SYCE1: variants seen among roughly 807,000 people sequenced by gnomAD.
SYCE1 encodes synaptonemal complex central element protein 1, also known as cancer/testis antigen 76.
A neutral mutation model predicts 55.1 loss-of-function variants in SYCE1; 37 were observed. The ratio of observed to expected loss-of-function variants is 0.67; its 90% confidence interval spans 0.52 to 0.88. SYCE1 has a LOEUF of 0.88. Ranked by LOEUF, SYCE1 falls within the 40% of genes least tolerant of loss-of-function variation. The probability of loss-of-function intolerance (pLI) is 0.00; values close to 1 mark genes in which losing one functional copy is unlikely to be tolerated. For missense variants in SYCE1, 399 were observed against 416.4 expected, an observed-to-expected ratio of 0.96 and a Z score of 0.36; for synonymous variants, 163 against 159.4, an observed-to-expected ratio of 1.02 and a Z score of -0.17.
Position 133,556,767 on chromosome 10 carries a change from C to T in SYCE1, c.520G>A (p.Asp174Asn), listed in dbSNP as rs760773748. 1.3e-6 allele frequency: 2 copies of T among 1,565,438 alleles called. No individual in the cohort carries two copies. The highest frequency in any genetic ancestry group is 1.7e-6 in the Non-Finnish European group (2 of 1,155,032). The change falls in exon 8 of 13, where the codon GAC becomes AAC. Residue 174 changes from aspartate to asparagine, a missense_variant. By Grantham distance (23) the Asp-to-Asn change is conservative (BLOSUM62 1). Transcript: ENST00000343131. ...DLMGQHKDLW[D>N]FHMPERLAKE... ...GGCTTTGAGGGACTCACGTGGAAGT[C>T]CCAGAGGTCCTTGTGCTGGCCCATC...
chr10:133,555,748 C>T (rs958641110), intron 10 of SYCE1, 32 bp downstream of exon 10: 6 of 1,609,714 alleles, frequency 3.7e-6, no homozygotes, highest in African/African-American at 2.7e-5. Context: ...CGGCCACTCC[C>T]TCCTCCCACC....
chr10:133,554,945 G>C lies in SYCE1; in HGVS notation c.*47C>G. On this transcript the variant is annotated 3_prime_UTR_variant, in exon 13 of 13. Transcript: ENST00000343131. ...GGCTTCAATCAGTCACAGGAGACTGGGGATCTTGGGCCTGACCCCTACTCC... is the reference window on the plus strand; with the variant it reads ...GGCTTCAATCAGTCACAGGAGACTGCGGATCTTGGGCCTGACCCCTACTCC... 2.0e-6 allele frequency: 3 copies of C among 1,492,294 alleles called. No individual in the cohort carries two copies. The highest frequency in any genetic ancestry group is 1.4e-5 in the South Asian group (1 of 72,330). The allele number at this position is 1,492,294 out of a possible 1,614,324, so 92.4% of individuals were successfully genotyped here. A position where few individuals can be genotyped will look rare whatever the true frequency, so the allele number is the denominator to read the frequency against.
intron 9 of SYCE1, 29 bp downstream of exon 9, chr10:133,555,952 T>C: frequency 1.9e-6 from 3 of 1,614,032 alleles, no homozygotes; most frequent in Non-Finnish European, 2.5e-6. Flanking sequence ...TGAGGTCAGA[T>C]ATGGGCCATC....
At chr10:133,557,943 A>C in intron 5 of SYCE1, 25 bp from the exon 6 acceptor site, 1 of 1,613,742 alleles carries the variant, frequency 6.2e-7, no homozygotes, top group African/African-American at 1.3e-5. Context: ...ACAGGGCCCT[A>C]TGAGAACCTG....
At chr10:133,560,242 C>A in intron 1 of SYCE1, 89 bp from the exon 2 acceptor site, 1 of 1,116,724 alleles carries the variant, frequency 9.0e-7, no homozygotes, top group Non-Finnish European at 1.3e-6. Context: ...GGCAGGTCTC[C>A]AGCCAGAGTG....
At chr10:133,554,259 G>A, downstream of SYCE1, 1 of 1,609,892 alleles carries the variant, frequency 6.2e-7, no homozygotes, top group Non-Finnish European at 8.5e-7. Context: ...ATTTTTCCAT[G>A]GAAACAGTGC....
Position 133,565,440 on chromosome 10 carries a change from C to T in SYCE1, c.73+17G>A, listed in dbSNP as rs1429045251. ...AGGTCAGACCCTCACGCACAGTTCC[C>T]TGCCTCCCACCACTACCTCCGGCCT... is the stretch of plus-strand genomic sequence containing the variant. On this transcript the variant is annotated intron_variant, in intron 1 of 12. Transcript: ENST00000343131. 6.5e-7 allele frequency: 1 copy of T among 1,545,102 alleles called. No homozygotes were observed. Among genetic ancestry groups the T allele is most frequent in the South Asian group, 1.2e-5 (1 of 82,824 alleles).
intron 1 of SYCE1, chr10:133,560,912 C>T (rs1258009108): frequency 6.6e-6 from 1 of 152,168 alleles, no homozygotes; most frequent in Non-Finnish European, 1.5e-5. Context: ...CTGATTGCCT[C>T]CTTTGGAAAG....
Position 133,555,899 on chromosome 10 carries a change from C to T in SYCE1, c.600G>A (p.Lys200=), listed in dbSNP as rs146371350. The change falls in exon 10 of 13, where the codon AAG becomes AAA. Residue 200 remains lysine (K), a synonymous_variant. Coordinates refer to ENST00000343131, the MANE Select transcript of SYCE1 (RefSeq NM_001143764.3). ...CGTCTTCCAGTGTCGCCTTGACCAG[C>T]TTCTCTGCAGCACAAAGGGGCAGGT... ...SSKEQLLKEE[K]LVKATLEDVK... is the part of the protein sequence containing the mutation. 69 of 1,613,910 alleles carry T rather than the reference C, an allele frequency of 4.3e-5. 1 individual carries two copies. The Middle Eastern group carries it at 1.6e-3, about 39-fold the overall frequency.
At chr10:133,559,977 G>A (rs1245976650) in intron 2 of SYCE1, 114 bp downstream of exon 2, 1 of 837,938 alleles carries the variant, frequency 1.2e-6, no homozygotes, top group Non-Finnish European at 1.9e-6. Flanking sequence ...TTAAAAGAAA[G>A]AGAAGGTGAA....
At chr10:133,563,368 T>C (rs1439837663) in intron 1 of SYCE1, among the ~76,000 whole-genome samples, 3 of 152,158 alleles carry the variant, frequency 2.0e-5, no homozygotes, top group African/African-American at 7.2e-5. Flanking sequence ...TGAAATCATT[T>C]ACAGCCATTA....
rs751873436 is a variant in SYCE1, at chr10:133,555,986, T to G, written c.590A>C (p.Lys197Thr). 31 of 1,614,070 alleles carry G rather than the reference T, an allele frequency of 1.9e-5. No homozygotes were observed. The highest frequency in any genetic ancestry group is 2.3e-5 in the Non-Finnish European group (27 of 1,180,040). ...TCCACCTTCCCTGGTCTCACCTTCC[T>G]TGAGCAGCTGCTCCTTGCTGCTGTC... ...ALDSSKEQLL[K>T]EEKLVKATLE... Residue 197 changes from lysine (K) to threonine (T), a missense_variant, in exon 9 of 13, where the codon AAG becomes ACG. By Grantham distance (78) the Lys-to-Thr change is moderately conservative (BLOSUM62 -1). Transcript: ENST00000343131.
At chr10:133,565,066 C>T (rs1589972727) in intron 1 of SYCE1, among the ~76,000 whole-genome samples, 1 of 152,100 alleles carries the variant, frequency 6.6e-6, no homozygotes, top group East Asian at 1.9e-4. Context: ...CAGTTTAGTG[C>T]GACTGGGAAA....
At chr10:133,564,498 G>C in intron 1 of SYCE1, 9 of 906,522 alleles carry the variant, frequency 9.9e-6, no homozygotes, top group Non-Finnish European at 1.2e-5. Flanking sequence ...ATACGTTTGC[G>C]TCTGTCCTGT....
intron 8 of SYCE1, chr10:133,556,447 G>T: frequency 1.9e-6 from 1 of 529,258 alleles, no homozygotes; most frequent in South Asian, 2.2e-5. Flanking sequence ...CTTGTTCAGT[G>T]CCTAGGATCC....
At chr10:133,568,058 C>T (rs545670100), upstream of SYCE1, 180 of 642,794 alleles carry the variant, frequency 2.8e-4, no homozygotes, top group East Asian at 4.3e-3. Flanking sequence ...CGGTGCGGCC[C>T]GGGGGCCAGA....
chr10:133,560,013 T>G (rs137910447), intron 2 of SYCE1, 78 bp downstream of exon 2: 10 of 1,221,804 alleles, frequency 8.2e-6, no homozygotes, highest in Admixed American at 1.8e-5. Flanking sequence ...AATTCGTACA[T>G]TGTGGGGCCT....
At chr10:133,554,786 C>A, downstream of SYCE1, 1 of 1,471,640 alleles carries the variant, frequency 6.8e-7, no homozygotes, top group Non-Finnish European at 9.0e-7. Flanking sequence ...GGGCCTGCAT[C>A]CCTCTGCCTG....
chr10:133,559,269 T>TCCTAGCTGGC, intron 3 of SYCE1, 32 bp downstream of exon 3: 1 of 1,612,304 alleles, frequency 6.2e-7, no homozygotes, highest in Non-Finnish European at 8.5e-7. Flanking sequence ...ATGCAGCTGG[T>TCCTAGCTGGC]CCTAGCTGGC....
Sources: gnomAD v4.1 joint callset for allele counts (sites outside exome capture counted in the v4.1 genomes callset) on GRCh38, gnomAD v4.1.1 for gene constraint, MANE v1.5 for transcripts, NCBI Gene and HGNC (gene_info 2026-07-23, HGNC 2026-07-21) for gene names.